The following SFMBT2 variants were observed in gnomAD, a reference collection of about 807,000 sequenced individuals.
SFMBT2 encodes the protein Scm like with four mbt domains 2, also known as scm-like with four MBT domains protein 2.
In SFMBT2, 38 loss-of-function variants were observed where a neutral mutation model predicts 110.1. The observed-to-expected ratio is 0.35, with a 90% CI of 0.27 to 0.45. The LOEUF (loss-of-function observed/expected upper bound fraction) is 0.45, where lower values mean the gene tolerates loss of function less well. SFMBT2 is among the 20% of genes least tolerant of loss of function. The probability of loss-of-function intolerance (pLI) is 1.00; values close to 1 mark genes in which losing one functional copy is unlikely to be tolerated. For synonymous variants in SFMBT2, 425 were observed against 425.4 expected (o/e 1.00, Z 0.01); for missense variants, 1,011 against 1,094.9 (o/e 0.92, Z 1.08).
chr10:7,333,720 T>TTC (rs1291909889), intron 4 of SFMBT2, among the ~76,000 whole-genome samples: 16 of 147,064 alleles, frequency 1.1e-4, no homozygotes, highest in South Asian at 8.8e-4. Context: ...CCTCCCCGCT[T>TTC]TCTCTCTCTC....
At position 7,159,157 on chromosome 10, in the gene SFMBT2, T is replaced by A. The variant is rs1837486794; in HGVS notation, c.*4613A>T. The A allele has an allele frequency of 6.6e-6, 1 of 152,188 alleles. No homozygotes were observed. The highest frequency in any genetic ancestry group is 2.4e-5 in the African/African-American group (1 of 41,450). The allele number at this position is 152,188 out of a possible 1,614,324, so 9.4% of individuals were successfully genotyped here. Reference sequence around the variant, plus strand: ...GGTTAGGCGACACGACCGTCATACTTACTGGGCCAAATCCCATTACTTAGT... The same window carrying A: ...GGTTAGGCGACACGACCGTCATACTAACTGGGCCAAATCCCATTACTTAGT... On this transcript the variant is annotated 3_prime_UTR_variant, in exon 21 of 21. Transcript: ENST00000397167.
intron 1 of SFMBT2, among the ~76,000 whole-genome samples, chr10:7,395,837 T>C (rs1845910571): frequency 6.6e-6 from 1 of 152,190 alleles, no homozygotes; most frequent in Non-Finnish European, 1.5e-5. Context: ...TTCATAGACG[T>C]TATGTTTCTC....
chr10:7,383,108 A>G (rs1845473381), intron 1 of SFMBT2, among the ~76,000 whole-genome samples: 1 of 152,232 alleles, frequency 6.6e-6, no homozygotes, highest in Non-Finnish European at 1.5e-5. Context: ...GAAGAAACAA[A>G]AGAATATAAT....
At chr10:7,385,465 G>A (rs1342706986) in intron 1 of SFMBT2, among the ~76,000 whole-genome samples, 1 of 152,166 alleles carries the variant, frequency 6.6e-6, no homozygotes, top group African/African-American at 2.4e-5. Flanking sequence ...AAAAAGGTAG[G>A]AACTGAAACA....
chr10:7,373,561 G>A (rs1163907242), intron 2 of SFMBT2, among the ~76,000 whole-genome samples: 1 of 152,114 alleles, frequency 6.6e-6, no homozygotes, highest in Non-Finnish European at 1.5e-5. Flanking sequence ...TCAGGGTCAG[G>A]AGTCCAAAGC....
At chr10:7,377,778 C>T (rs1845281573) in intron 2 of SFMBT2, among the ~76,000 whole-genome samples, 1 of 152,212 alleles carries the variant, frequency 6.6e-6, no homozygotes, top group African/African-American at 2.4e-5. Context: ...CCTCACCTGA[C>T]ACTCACCTCC....
chr10:7,204,318 C>T (rs1043104322), intron 12 of SFMBT2: 2 of 984,304 alleles, frequency 2.0e-6, no homozygotes, highest in Non-Finnish European at 2.4e-6. Flanking sequence ...TGCAATGGAA[C>T]TGTGTTTCCA....
chr10:7,324,324 G>A (rs958627620), intron 4 of SFMBT2, among the ~76,000 whole-genome samples: 1 of 152,116 alleles, frequency 6.6e-6, no homozygotes, highest in African/African-American at 2.4e-5. Context: ...AGAAAATAAA[G>A]GTTTGCTAAA....
At chr10:7,207,307 C>A (rs945413920) in intron 11 of SFMBT2, among the ~76,000 whole-genome samples, 4 of 150,764 alleles carry the variant, frequency 2.7e-5, no homozygotes, top group African/African-American at 9.8e-5. Flanking sequence ...TTGCAGTGAG[C>A]AGTGATTGCA....
chr10:7,370,660 T>G (rs1845036191), intron 2 of SFMBT2: 1 of 177,072 alleles, frequency 5.6e-6, no homozygotes, highest in African/African-American at 2.4e-5. Context: ...GCATATTTGC[T>G]ACATGTTCGT....
chr10:7,190,177 C>T (rs750252242), intron 15 of SFMBT2, among the ~76,000 whole-genome samples: 10 of 152,006 alleles, frequency 6.6e-5, no homozygotes, highest in Non-Finnish European at 1.2e-4. Flanking sequence ...CATGACAAGG[C>T]GGTACCGGCA....
In SFMBT2 at chr10:7,163,577, GACT is replaced by G; in HGVS notation, c.*190_*192del. The G allele has an allele frequency of 3.5e-6, 2 of 573,878 alleles. No individual in the cohort carries two copies. Among genetic ancestry groups the G allele is most frequent in the Non-Finnish European group, 6.1e-6 (2 of 326,272 alleles). 35.5% of individuals were successfully genotyped at this position (573,878 alleles called of 1,614,324 possible). ...ACTTTAACTGGCACTCCCCAGAAGC[GACT>G]GCTGCTGTGCTTTGAAAACATGGAA... On this transcript the variant is annotated 3_prime_UTR_variant, in exon 21 of 21. Coordinates refer to ENST00000397167, the MANE Select transcript of SFMBT2 (RefSeq NM_001387889.1). This position sits in a 1 kb window ranked among gnomAD's most constrained non-coding sequence, Gnocchi z 4.8.
intron 11 of SFMBT2, among the ~76,000 whole-genome samples, chr10:7,212,875 A>G (rs980182041): frequency 3.3e-5 from 5 of 152,246 alleles, no homozygotes; most frequent in African/African-American, 4.8e-5. Context: ...TGTGGCACAC[A>G]TACACCATGG....
intron 4 of SFMBT2, among the ~76,000 whole-genome samples, chr10:7,292,964 G>A (rs1842304036): frequency 6.6e-6 from 1 of 152,106 alleles, no homozygotes; most frequent in East Asian, 1.9e-4. Flanking sequence ...TCCAGGCTGG[G>A]TGACAGAGCA....
chr10:7,364,338 AG>A (rs1178281026), intron 4 of SFMBT2, among the ~76,000 whole-genome samples: 2 of 152,164 alleles, frequency 1.3e-5, no homozygotes, highest in East Asian at 3.8e-4. Context: ...CCCTTTTTCC[AG>A]GGTGTTCTCA....
At chr10:7,320,515 G>T in intron 4 of SFMBT2, 1 of 796,926 alleles carries the variant, frequency 1.3e-6, no homozygotes, top group Non-Finnish European at 1.5e-6. Flanking sequence ...AATCACTGGA[G>T]TATTTTCTTA....
intron 4 of SFMBT2, among the ~76,000 whole-genome samples, chr10:7,358,955 A>C (rs1187572806): frequency 1.3e-5 from 2 of 152,246 alleles, no homozygotes; most frequent in Admixed American, 6.5e-5. Flanking sequence ...ACTTAATAAG[A>C]AGCAGCAGGG....
At chr10:7,297,953 G>A (rs571058438) in intron 4 of SFMBT2, among the ~76,000 whole-genome samples, 5 of 152,306 alleles carry the variant, frequency 3.3e-5, no homozygotes, top group Admixed American at 3.3e-4. Flanking sequence ...AGCACCACGG[G>A]CTGATGCACA....
chr10:7,213,833 G>T (rs913250687), intron 11 of SFMBT2, among the ~76,000 whole-genome samples: 1 of 152,182 alleles, frequency 6.6e-6, no homozygotes, highest in Non-Finnish European at 1.5e-5. Flanking sequence ...CATGGGCATG[G>T]GCACTCAGAT....
Sources: allele counts gnomAD v4.1 joint callset (sites outside exome capture counted in the v4.1 genomes callset), GRCh38; gene constraint gnomAD v4.1.1; non-coding constraint Gnocchi (gnomAD v3.1); transcripts MANE v1.5; gene names NCBI Gene and HGNC (gene_info 2026-07-23, HGNC 2026-07-21).